Variants in AGPAT3 observed in about 807,000 individuals in gnomAD.
AGPAT3 encodes the protein 1-acylglycerol-3-phosphate O-acyltransferase 3, also known as 1-acyl-sn-glycerol-3-phosphate acyltransferase gamma.
Under a neutral mutation model 47.3 loss-of-function variants are expected in AGPAT3, and 5 were observed. That is an observed-to-expected ratio of 0.11 (90% confidence interval 0.06 to 0.22). AGPAT3 has a LOEUF of 0.22. Ranked by LOEUF, AGPAT3 falls within the 10% of genes least tolerant of loss-of-function variation. The probability of loss-of-function intolerance (pLI) is 1.00; values close to 1 mark genes in which losing one functional copy is unlikely to be tolerated. For synonymous variants in AGPAT3, 212 were observed against 208.3 expected (o/e 1.02, Z -0.15); for missense variants, 315 against 493.0 (o/e 0.64, Z 3.42).
rs113329583 is a variant in AGPAT3 at position 43,961,579 on chromosome 21, T to C, written c.178+1720T>C. On this transcript the variant is annotated intron_variant, in intron 3 of 9. Transcript: ENST00000291572. Reference sequence around the variant, plus strand: ...GGAAAACAGTGAGCGCGTAGACACTTTGTCTCGTGGGAAATGGTGAACCCA... The same window carrying C: ...GGAAAACAGTGAGCGCGTAGACACTCTGTCTCGTGGGAAATGGTGAACCCA... Among the ~76,000 whole-genome samples the C allele has an allele frequency of 2.2e-3, 253 of 113,396 alleles. 6 individuals are homozygous for C. Among genetic ancestry groups the C allele is most frequent in the African/African-American group, 9.4e-3 (229 of 24,450 alleles). 74.4% of individuals were successfully genotyped at this position (113,396 alleles called of 152,430 possible).
At chr21:43,921,340 A>G (rs1436341442) in intron 2 of AGPAT3, among the ~76,000 whole-genome samples, 1 of 152,152 alleles carries the variant, frequency 6.6e-6, no homozygotes, top group Non-Finnish European at 1.5e-5. Flanking sequence ...ATAAACCAGT[A>G]GACGGTGTTC....
intron 2 of AGPAT3, among the ~76,000 whole-genome samples, chr21:43,935,572 G>C (rs1327978524): frequency 6.6e-6 from 1 of 152,254 alleles, no homozygotes; most frequent in Non-Finnish European, 1.5e-5. Flanking sequence ...CTGCTGCGGA[G>C]CTCGGAGAGA....
rs757804790 is a variant in AGPAT3 at position 43,934,406 on chromosome 21, C to T, written c.-48-25228C>T. ...ACAGAGGCTCCGCAAGTCCCCAGGCCGTCGGCTGCCTGGCCCTGGCCTGCG... is the reference window on the plus strand; with the variant it reads ...ACAGAGGCTCCGCAAGTCCCCAGGCTGTCGGCTGCCTGGCCCTGGCCTGCG... On this transcript the variant is annotated intron_variant, in intron 2 of 9. Coordinates refer to ENST00000291572, the MANE Select transcript of AGPAT3 (RefSeq NM_020132.5). This position sits in a 1 kb window ranked among gnomAD's most constrained non-coding sequence, Gnocchi z 4.7. Among the ~76,000 whole-genome samples the T allele has an allele frequency of 3.9e-5, 6 of 152,246 alleles. No individual in the cohort carries two copies. Among genetic ancestry groups the T allele is most frequent in the Non-Finnish European group, 8.8e-5 (6 of 68,056 alleles).
At chr21:43,891,516 C>T (rs1220302585) in intron 1 of AGPAT3, among the ~76,000 whole-genome samples, 1 of 151,988 alleles carries the variant, frequency 6.6e-6, no homozygotes, top group East Asian at 1.9e-4. Context: ...GCCTGTAATC[C>T]CAGCTACTCA....
rs2089345574 is a variant in AGPAT3, at chr21:43,970,435, C to T, written c.511-218C>T. Among the ~76,000 whole-genome samples, 1 of 152,172 alleles carries T rather than the reference C, an allele frequency of 6.6e-6. No homozygotes were observed. Among genetic ancestry groups the T allele is most frequent in the Non-Finnish European group, 1.5e-5 (1 of 68,030 alleles). ...TTTCTGGAAAGTTCTTTCTGGAGAG[C>T]TCTCCTGTGTGAATGAACGTGTGTG... On this transcript the variant is annotated intron_variant, in intron 5 of 9. Transcript: ENST00000291572. This position sits in a 1 kb window ranked among gnomAD's most constrained non-coding sequence, Gnocchi z 5.8.
intron 1 of AGPAT3, among the ~76,000 whole-genome samples, chr21:43,870,728 TAAAC>T (rs1323039642): frequency 2.0e-5 from 3 of 152,196 alleles, no homozygotes; most frequent in Admixed American, 6.5e-5. Flanking sequence ...TCTCAATAAA[TAAAC>T]AAATAAATAA....
intron 2 of AGPAT3, among the ~76,000 whole-genome samples, chr21:43,945,668 C>T (rs2087853377): frequency 6.6e-6 from 1 of 152,140 alleles, no homozygotes; most frequent in South Asian, 2.1e-4. Flanking sequence ...CTTGCACTGT[C>T]CAGGCCAAGG....
chr21:43,936,906 A>G (rs1446006556), intron 2 of AGPAT3, among the ~76,000 whole-genome samples: 1 of 152,246 alleles, frequency 6.6e-6, no homozygotes, highest in Non-Finnish European at 1.5e-5. Context: ...AATCTTCAAG[A>G]TGTGAACAAG....
intron 2 of AGPAT3, among the ~76,000 whole-genome samples, chr21:43,926,453 C>A (rs796476320): frequency 1.9e-4 from 29 of 152,190 alleles, no homozygotes; most frequent in African/African-American, 7.0e-4. Context: ...CCGGGATCCC[C>A]TGGGGTGGCC....
chr21:43,926,836 C>G (rs1408351007), intron 2 of AGPAT3, among the ~76,000 whole-genome samples: 1 of 151,566 alleles, frequency 6.6e-6, no homozygotes. Flanking sequence ...TGGAGCATAC[C>G]TGTGATCCCA....
At chr21:43,971,295 G>A in intron 6 of AGPAT3, 93 bp from the exon 7 acceptor site, 2 of 1,109,926 alleles carry the variant, frequency 1.8e-6, no homozygotes, top group Non-Finnish European at 1.4e-6. Flanking sequence ...CCCCAGGACG[G>A]GGCCGGGTCC....
intron 2 of AGPAT3, chr21:43,946,807 T>C (rs548027522): frequency 6.6e-6 from 1 of 152,490 alleles, no homozygotes; most frequent in East Asian, 1.9e-4. Context: ...GTGTGTGTTT[T>C]GGAGTGTGGT....
chr21:43,921,717 G>A (rs1252077947), intron 2 of AGPAT3, among the ~76,000 whole-genome samples: 3 of 152,184 alleles, frequency 2.0e-5, no homozygotes, highest in Non-Finnish European at 4.4e-5. Flanking sequence ...CGCTGGGTCC[G>A]CAATCAAAAG....
intron 2 of AGPAT3, among the ~76,000 whole-genome samples, chr21:43,909,458 G>T (rs557243418): frequency 6.6e-6 from 1 of 152,214 alleles, no homozygotes; most frequent in South Asian, 2.1e-4. Context: ...ACCATGCCCG[G>T]CTAATTTTTT....
intron 1 of AGPAT3, among the ~76,000 whole-genome samples, chr21:43,885,822 G>A (rs1231448913): frequency 7.3e-6 from 1 of 136,266 alleles, no homozygotes; most frequent in Non-Finnish European, 1.6e-5. Flanking sequence ...CACAGGTGAA[G>A]GTGTGCAGGT....
At chr21:43,870,320 A>G (rs550324530) in intron 1 of AGPAT3, among the ~76,000 whole-genome samples, 1 of 152,304 alleles carries the variant, frequency 6.6e-6, no homozygotes, top group South Asian at 2.1e-4. Flanking sequence ...GTTAGAAAAT[A>G]TGTTTGTCGT....
intron 2 of AGPAT3, among the ~76,000 whole-genome samples, chr21:43,948,961 C>T (rs1348521602): frequency 6.6e-6 from 1 of 152,126 alleles, no homozygotes; most frequent in Non-Finnish European, 1.5e-5. Flanking sequence ...TCTTTAGTCT[C>T]AATTGTTGGT....
At chr21:43,893,642 T>C (rs1033893220) in intron 1 of AGPAT3, among the ~76,000 whole-genome samples, 2 of 152,214 alleles carry the variant, frequency 1.3e-5, no homozygotes, top group African/African-American at 2.4e-5. Flanking sequence ...ATCCTTTTAC[T>C]TGAACACTTA....
At chr21:43,885,391 C>CTTT (rs113393341) in intron 1 of AGPAT3, among the ~76,000 whole-genome samples, 2 of 139,772 alleles carry the variant, frequency 1.4e-5, no homozygotes, top group Non-Finnish European at 1.6e-5. Flanking sequence ...TTTCTTTTTT[C>CTTT]TTTTTTTTTT....
Sources: allele counts gnomAD v4.1 joint callset (sites outside exome capture counted in the v4.1 genomes callset), GRCh38; gene constraint gnomAD v4.1.1; non-coding constraint Gnocchi (gnomAD v3.1); transcripts MANE v1.5; gene names NCBI Gene and HGNC (gene_info 2026-07-23, HGNC 2026-07-21).